Variants in TMEM114 observed in about 807,000 individuals in gnomAD.
TMEM114 encodes the protein transmembrane protein 114.
In TMEM114, 6 loss-of-function variants were observed where a neutral mutation model predicts 6.2. The ratio of observed to expected loss-of-function variants is 0.97; its 90% CI spans 0.53 to 1.91. The LOEUF (loss-of-function observed/expected upper bound fraction) is 1.91, where lower values mean the gene tolerates loss of function less well. TMEM114 is among the 40% of genes most tolerant of loss of function. TMEM114 has a pLI of 0.01. For synonymous variants in TMEM114, 104 were observed against 73.0 expected, an observed-to-expected ratio of 1.42 and a Z score of -2.16; for missense variants, 218 against 158.3, an observed-to-expected ratio of 1.38 and a Z score of -2.02.
chr16:8,570,599 T>C (rs1901703608), intron 3 of TMEM114, among the ~76,000 whole-genome samples: 1 of 152,220 alleles, frequency 6.6e-6, no homozygotes, highest in South Asian at 2.1e-4. Flanking sequence ...CCTAACGTGC[T>C]GGGATTGCAG....
At chr16:8,574,237 A>G (rs1901838048) in intron 2 of TMEM114, among the ~76,000 whole-genome samples, 1 of 152,226 alleles carries the variant, frequency 6.6e-6, no homozygotes, top group Non-Finnish European at 1.5e-5. Context: ...AAATGGAGGT[A>G]AAAGTATACG....
At chr16:8,547,368 C>G (rs1420044207) in intron 2 of TMEM114, among the ~76,000 whole-genome samples, 3 of 148,100 alleles carry the variant, frequency 2.0e-5, no homozygotes, top group Non-Finnish European at 4.4e-5. Flanking sequence ...CCTGAAGAGA[C>G]GCGCTTTCTT....
chr16:8,528,661 T>A, the TMEM114 span, among the ~76,000 whole-genome samples: 207 of 152,328 alleles, frequency 1.4e-3, no homozygotes, highest in African/African-American at 4.8e-3. Flanking sequence ...TGGTGGTAAA[T>A]CTGCATTGTC....
chr16:8,541,391 C>G (rs1182884957), intron 2 of TMEM114, among the ~76,000 whole-genome samples: 2 of 152,026 alleles, frequency 1.3e-5, no homozygotes, highest in Non-Finnish European at 2.9e-5. Flanking sequence ...AGGACCTCCC[C>G]AAGCACTACT....
rs540183408 is a variant in TMEM114, at chr16:8,538,237, C to T, written n.213-411G>A. ...GGAGGATCACTGGAGCCTAGAAAAC[C>T]ATGATCCTTCCACTGCACTGTAGCC... On this transcript the variant is annotated intron_variant and non_coding_transcript_variant, in intron 2 of 2. Transcript: ENST00000623677. 8.2e-4 allele frequency among the ~76,000 whole-genome samples: 123 copies of T among 150,608 alleles called. 2 individuals carry two copies. Among genetic ancestry groups the T allele is most frequent in the Non-Finnish European group, 1.2e-3 (80 of 67,744 alleles).
downstream of TMEM114, among the ~76,000 whole-genome samples, chr16:8,536,693 G>A (rs1183248199): frequency 6.6e-6 from 1 of 151,060 alleles, no homozygotes; most frequent in African/African-American, 2.4e-5. Context: ...TGTTTGTTTT[G>A]GGTTTTTTGC....
chr16:8,590,327 A>C lies in TMEM114; in HGVS notation c.-489T>G. The C allele has an allele frequency of 6.5e-6, 1 of 153,360 alleles. No homozygotes were observed. The highest frequency in any genetic ancestry group is 1.4e-5 in the Non-Finnish European group (1 of 69,226). The allele number at this position is 153,360 out of a possible 1,614,324, so 9.5% of individuals were successfully genotyped here. On this transcript the variant is annotated 5_prime_UTR_variant, in exon 1 of 4. Transcript: ENST00000620492. ...GCCTCACTCTCCACGAACCCTCCCC[A>C]CGATCCCAGATGCTCCCCTCTCTGC...
At position 8,573,764 on chromosome 16, in the gene TMEM114, C is replaced by T. The variant is rs533676184; in HGVS notation, c.302-1540G>A. ...CTTACACTGCATTCACCACTGTCCA[C>T]CCAGTCAAGTGCCCTTCCTCTGTGC... On this transcript the variant is annotated intron_variant, in intron 2 of 3. Coordinates refer to ENST00000620492, the MANE Select transcript of TMEM114 (RefSeq NM_001146336.2). 1.0e-3 allele frequency among the ~76,000 whole-genome samples: 158 copies of T among 152,306 alleles called. 1 individual carries two copies. The highest frequency in any genetic ancestry group is 3.7e-3 in the African/African-American group (152 of 41,548).
downstream of TMEM114, among the ~76,000 whole-genome samples, chr16:8,564,579 G>A (rs1214648247): frequency 1.3e-5 from 2 of 148,424 alleles, no homozygotes. Context: ...ATGAGTGAGT[G>A]AGTAAATGAG....
intron 2 of TMEM114, among the ~76,000 whole-genome samples, chr16:8,558,908 T>A (rs538693789): frequency 3.2e-5 from 2 of 62,718 alleles, no homozygotes; most frequent in Non-Finnish European, 5.8e-5. Context: ...GCCCAGCTAA[T>A]TTTTTTTTGT....
At chr16:8,530,127 T>C in the TMEM114 span, among the ~76,000 whole-genome samples, 31 of 152,350 alleles carry the variant, frequency 2.0e-4, no homozygotes, top group African/African-American at 7.5e-4. Flanking sequence ...ATTAGCTTTT[T>C]CCTGCCACAT....
chr16:8,572,406 A>T, intron 2 of TMEM114, 182 bp from the exon 3 acceptor site: 1 of 682,486 alleles, frequency 1.5e-6, no homozygotes, highest in Non-Finnish European at 2.5e-6. Flanking sequence ...GTTGAGGCTC[A>T]TCTCGTGCAA....
At chr16:8,589,020 C>G (rs1010529088) in intron 2 of TMEM114, among the ~76,000 whole-genome samples, 193 bp downstream of exon 2, 6 of 152,176 alleles carry the variant, frequency 3.9e-5, no homozygotes, top group African/African-American at 1.2e-4. Context: ...CCCTAAACCA[C>G]AAAACGTTAC....
At chr16:8,569,473 G>A (rs1901648690), downstream of TMEM114, 4 of 1,255,710 alleles carry the variant, frequency 3.2e-6, no homozygotes, top group Admixed American at 7.6e-5. Context: ...GGGGGCGTGA[G>A]GACTTTGCAA....
At chr16:8,575,533 G>A (rs375176634) in intron 2 of TMEM114, among the ~76,000 whole-genome samples, 34 of 152,158 alleles carry the variant, frequency 2.2e-4, no homozygotes, top group African/African-American at 1.2e-4. Flanking sequence ...ACACTTCTCC[G>A]TTTATTGTTT....
At chr16:8,564,522 G>T (rs111067685), downstream of TMEM114, among the ~76,000 whole-genome samples, 2 of 79,364 alleles carry the variant, frequency 2.5e-5, no homozygotes, top group African/African-American at 5.0e-5. Flanking sequence ...AGTGAGTGAC[G>T]GAGGGAGGGA....
At chr16:8,576,273 C>T (rs1901925811) in intron 2 of TMEM114, among the ~76,000 whole-genome samples, 1 of 152,200 alleles carries the variant, frequency 6.6e-6, no homozygotes, top group African/African-American at 2.4e-5. Flanking sequence ...GTCTCCACTT[C>T]CTGATATTAC....
chr16:8,537,286 A>C (rs942159014), downstream of TMEM114, among the ~76,000 whole-genome samples: 6 of 152,168 alleles, frequency 3.9e-5, no homozygotes, highest in Non-Finnish European at 7.4e-5. Flanking sequence ...AGATGACCTG[A>C]GATCAGGAAG....
chr16:8,541,892 G>A (rs1009943290), intron 2 of TMEM114, among the ~76,000 whole-genome samples: 5 of 152,268 alleles, frequency 3.3e-5, no homozygotes, highest in Admixed American at 6.5e-5. Context: ...TTACAAAGAC[G>A]TAGCACAGGC....
Sources: gnomAD v4.1 joint callset for allele counts (sites outside exome capture counted in the v4.1 genomes callset) on GRCh38, gnomAD v4.1.1 for gene constraint, MANE v1.5 for transcripts, NCBI Gene and HGNC (gene_info 2026-07-23, HGNC 2026-07-21) for gene names.